GALNT1: variants seen among roughly 807,000 people sequenced by gnomAD.
The protein encoded by GALNT1 is polypeptide N-acetylgalactosaminyltransferase 1, also known as GalNAc transferase 1.
Under a neutral mutation model 65.7 loss-of-function variants are expected in GALNT1, and 17 were observed. That is an observed-to-expected ratio of 0.26 (90% confidence interval 0.18 to 0.39). The LOEUF is 0.39. GALNT1 is among the 10% of genes least tolerant of loss of function. GALNT1 has a pLI of 1.00. For synonymous variants in GALNT1, 210 were observed against 219.7 expected (o/e 0.96, Z 0.39); for missense variants, 460 against 672.8 (o/e 0.68, Z 3.50).
chr18:35,582,138 T>C (rs2046329963), intron 1 of GALNT1, among the ~76,000 whole-genome samples: 2 of 152,086 alleles, frequency 1.3e-5, no homozygotes, highest in Non-Finnish European at 1.5e-5. Flanking sequence ...GACGGAAGTT[T>C]GTTTTATTGA....
chr18:35,690,434 A>G (rs891241677), intron 7 of GALNT1, among the ~76,000 whole-genome samples: 1 of 152,190 alleles, frequency 6.6e-6, no homozygotes, highest in African/African-American at 2.4e-5. Context: ...TAATAAATAC[A>G]TTATACATTC....
intron 4 of GALNT1, among the ~76,000 whole-genome samples, chr18:35,679,459 C>G (rs1456812318): frequency 6.6e-6 from 1 of 152,100 alleles, no homozygotes; most frequent in African/African-American, 2.4e-5. Flanking sequence ...AGAAACTCAC[C>G]TATAGCAGTT....
intron 11 of GALNT1, among the ~76,000 whole-genome samples, chr18:35,706,833 A>G (rs2048270793): frequency 6.6e-6 from 1 of 152,206 alleles, no homozygotes. Flanking sequence ...CATCCATTGA[A>G]AACTTAACAG....
intron 3 of GALNT1, among the ~76,000 whole-genome samples, chr18:35,666,492 A>G (rs926717248): frequency 2.0e-5 from 3 of 152,226 alleles, no homozygotes; most frequent in African/African-American, 7.2e-5. Context: ...AAACAACCTT[A>G]CATTTACTTC....
intron 2 of GALNT1, among the ~76,000 whole-genome samples, chr18:35,655,510 T>TG (rs2047371992): frequency 6.6e-6 from 1 of 151,614 alleles, no homozygotes; most frequent in Admixed American, 6.6e-5. Context: ...TTTTTTTTTT[T>TG]TTTTGTTTTT....
chr18:35,628,416 C>T (rs1054929922), intron 1 of GALNT1, among the ~76,000 whole-genome samples: 11 of 152,272 alleles, frequency 7.2e-5, no homozygotes, highest in Middle Eastern at 3.4e-3. Flanking sequence ...GACCAGTATT[C>T]GCTGTTCTGC....
chr18:35,587,434 A>G (rs1431309700), intron 1 of GALNT1, among the ~76,000 whole-genome samples: 1 of 152,222 alleles, frequency 6.6e-6, no homozygotes, highest in Non-Finnish European at 1.5e-5. Flanking sequence ...TCTTGGGGGA[A>G]AGCATTCCTT....
At chr18:35,606,702 C>G (rs72958859) in intron 1 of GALNT1, among the ~76,000 whole-genome samples, 9,372 of 152,164 alleles carry the variant, frequency 0.062, 318 homozygotes, top group South Asian at 0.076. Flanking sequence ...ATCACTGTCC[C>G]TCTTCCTTTT....
intron 3 of GALNT1, among the ~76,000 whole-genome samples, chr18:35,670,940 C>A (rs2047625615): frequency 6.6e-6 from 1 of 152,146 alleles, no homozygotes; most frequent in Admixed American, 6.5e-5. Flanking sequence ...GAAACTGCAT[C>A]TTTACCTCAC....
At chr18:35,686,941 C>A (rs549990502) in intron 5 of GALNT1, 75 bp from the exon 6 acceptor site, 2 of 1,370,916 alleles carry the variant, frequency 1.5e-6, no homozygotes, top group East Asian at 2.4e-5. Flanking sequence ...AAAACACTTA[C>A]TATACAATTG....
At chr18:35,600,277 TATTTAATAGCTATTGTAGG>T (rs1260837180) in intron 1 of GALNT1, among the ~76,000 whole-genome samples, 7 of 152,182 alleles carry the variant, frequency 4.6e-5, no homozygotes, top group African/African-American at 1.7e-4. Flanking sequence ...ATATTTTTTG[TATTTAATAGCTATTGTAGG>T]ATTGCTTTCT....
intron 1 of GALNT1, among the ~76,000 whole-genome samples, chr18:35,635,044 A>G (rs549069476): frequency 6.6e-6 from 1 of 152,310 alleles, no homozygotes; most frequent in African/African-American, 2.4e-5. Context: ...GAGAGGTCCC[A>G]GTTGCCGCTG....
intron 1 of GALNT1, among the ~76,000 whole-genome samples, chr18:35,639,541 A>G (rs1359898234): frequency 6.6e-6 from 1 of 152,204 alleles, no homozygotes. Flanking sequence ...CCACACCTGC[A>G]GTATCTCTGA....
intron 1 of GALNT1, among the ~76,000 whole-genome samples, chr18:35,624,491 CT>C (rs1260785584): frequency 1.3e-5 from 2 of 151,932 alleles, no homozygotes; most frequent in African/African-American, 4.8e-5. Flanking sequence ...TTAGCTTTTA[CT>C]TTTTAAAAAA....
At chr18:35,684,565 A>G (rs1023606989) in intron 5 of GALNT1, among the ~76,000 whole-genome samples, 4 of 152,186 alleles carry the variant, frequency 2.6e-5, no homozygotes, top group African/African-American at 9.6e-5. Context: ...TGAGGTGATG[A>G]CAGAAGTATG....
At chr18:35,636,392 A>G (rs1415491429) in intron 1 of GALNT1, among the ~76,000 whole-genome samples, 1 of 152,176 alleles carries the variant, frequency 6.6e-6, no homozygotes, top group African/African-American at 2.4e-5. Flanking sequence ...GGGAAAGGCC[A>G]TTAGAGGGTT....
chr18:35,677,547 A>G (rs182075097), intron 3 of GALNT1, 44 bp from the exon 4 acceptor site: 108 of 1,538,218 alleles, frequency 7.0e-5, no homozygotes, highest in Admixed American at 8.9e-5. Flanking sequence ...TTATTATGCA[A>G]TCTTAACAGT....
intron 1 of GALNT1, among the ~76,000 whole-genome samples, chr18:35,650,236 C>T (rs1486484787): frequency 6.6e-6 from 1 of 152,018 alleles, no homozygotes; most frequent in East Asian, 1.9e-4. Context: ...CGTGATGCCC[C>T]CGAGCCGTAA....
rs567000955 is a variant in GALNT1 at position 35,710,256 on chromosome 18, A to C, written c.*486A>C. 1 of 153,432 alleles carries C rather than the reference A, an allele frequency of 6.5e-6. No homozygotes were observed. Among genetic ancestry groups the C allele is most frequent in the Non-Finnish European group, 1.5e-5 (1 of 68,568 alleles). The allele number at this position is 153,432 out of a possible 1,614,324, so 9.5% of individuals were successfully genotyped here. A position where few individuals can be genotyped will look rare whatever the true frequency, so the allele number is the denominator to read the frequency against. ...AACCAGATTCAGAATCATGAAAACAACATTTTTACAACAACAAAAAAACTA... is the reference window on the plus strand; with the variant it reads ...AACCAGATTCAGAATCATGAAAACACCATTTTTACAACAACAAAAAAACTA... On this transcript the variant is annotated 3_prime_UTR_variant, in exon 12 of 12. Coordinates refer to ENST00000269195, the MANE Select transcript of GALNT1 (RefSeq NM_020474.4).
Sources: allele counts gnomAD v4.1 joint callset (sites outside exome capture counted in the v4.1 genomes callset), GRCh38; gene constraint gnomAD v4.1.1; transcripts MANE v1.5; gene names NCBI Gene and HGNC (gene_info 2026-07-23, HGNC 2026-07-21).